SYK: variants seen among roughly 807,000 people sequenced by gnomAD.
SYK encodes the protein spleen associated tyrosine kinase, also known as tyrosine-protein kinase SYK.
In SYK, 16 loss-of-function variants were observed where a neutral mutation model predicts 77.8. That is an observed-to-expected ratio of 0.21 (90% CI 0.14 to 0.31). The LOEUF (loss-of-function observed/expected upper bound fraction) is 0.31. Among genes scored for constraint, SYK ranks in the 10% least tolerant of loss-of-function variants. SYK has a pLI of 1.00. For synonymous variants in SYK, 312 were observed against 308.7 expected (o/e 1.01, Z -0.11); for missense variants, 529 against 814.4 (o/e 0.65, Z 4.26).
At chr9:90,847,118 G>A (rs1826629236) in intron 3 of SYK, among the ~76,000 whole-genome samples, 1 of 152,160 alleles carries the variant, frequency 6.6e-6, no homozygotes, top group South Asian at 2.1e-4. Flanking sequence ...TTCCTTTCTG[G>A]GAGATGTATA....
intron 1 of SYK, among the ~76,000 whole-genome samples, chr9:90,840,198 G>A (rs987553438): frequency 2.6e-5 from 4 of 152,182 alleles, no homozygotes; most frequent in African/African-American, 9.7e-5. Context: ...GGGCAGGGAA[G>A]GCAGAGAAGA....
At chr9:90,845,951 A>C (rs1826576635) in intron 3 of SYK, among the ~76,000 whole-genome samples, 1 of 152,206 alleles carries the variant, frequency 6.6e-6, no homozygotes, top group African/African-American at 2.4e-5. Context: ...CAGTTTTTTT[A>C]CTCAAACTAC....
intron 11 of SYK, among the ~76,000 whole-genome samples, chr9:90,881,086 A>T (rs1828133448): frequency 6.6e-6 from 1 of 152,210 alleles, no homozygotes; most frequent in Admixed American, 6.5e-5. Flanking sequence ...TGGTCAGAGC[A>T]GCCAAGGCCA....
intron 11 of SYK, among the ~76,000 whole-genome samples, chr9:90,885,353 A>T (rs1828522924): frequency 1.3e-5 from 2 of 152,172 alleles, no homozygotes; most frequent in African/African-American, 4.8e-5. Flanking sequence ...CCAAACAGAA[A>T]TTCTGGAACT....
Position 90,808,390 on chromosome 9 carries a change from T to G in SYK, c.-42+6497T>G, listed in dbSNP as rs138527404. ...TCTCCCGGGGTATCAGTTCATCTGC[T>G]TGCATGCTTGGTGCCTCTCTCTCCT... is the stretch of plus-strand genomic sequence containing the variant. On this transcript the variant is annotated intron_variant, in intron 1 of 13. Transcript: ENST00000375754. Among the ~76,000 whole-genome samples the G allele has an allele frequency of 1.7e-3, 264 of 152,292 alleles. 1 individual carries two copies. Among genetic ancestry groups the G allele is most frequent in the African/African-American group, 6.0e-3 (249 of 41,550 alleles).
intron 3 of SYK, among the ~76,000 whole-genome samples, chr9:90,846,601 C>G (rs528180576): frequency 1.1e-4 from 17 of 151,164 alleles, no homozygotes; most frequent in African/African-American, 4.1e-4. Context: ...TATGATCTCA[C>G]TATCGTTTGA....
intron 9 of SYK, among the ~76,000 whole-genome samples, chr9:90,875,627 T>C (rs1341742160): frequency 6.6e-6 from 1 of 152,246 alleles, no homozygotes; most frequent in East Asian, 1.9e-4. Flanking sequence ...CATCTCATTT[T>C]TCTTACATGA....
At chr9:90,836,238 G>A (rs1826079723) in intron 1 of SYK, among the ~76,000 whole-genome samples, 1 of 148,670 alleles carries the variant, frequency 6.7e-6, no homozygotes, top group Non-Finnish European at 1.5e-5. Flanking sequence ...AGTGAGCCGA[G>A]ATTGTGCCAC....
Position 90,874,785 on chromosome 9 carries a change from G to A in SYK, c.1117G>A (p.Glu373Lys). 3 of 1,614,102 alleles carry A rather than the reference G, an allele frequency of 1.9e-6. No homozygotes were observed. Among genetic ancestry groups the A allele is most frequent in the Non-Finnish European group, 2.5e-6 (3 of 1,180,034 alleles). ...CCTGGACCGAAAGCTGCTGACGCTGGAAGACAAAGAACTGGGCTCTGGTAA... is the reference window on the plus strand; with the variant it reads ...CCTGGACCGAAAGCTGCTGACGCTGAAAGACAAAGAACTGGGCTCTGGTAA... ...VYLDRKLLTL[E>K]DKELGSGNFG... The change falls in exon 9 of 14, where the codon GAA (glutamate) becomes AAA (lysine). Residue 373 changes from glutamate (E) to lysine (K), a missense_variant. Coordinates refer to ENST00000375754, the MANE Select transcript of SYK (RefSeq NM_003177.7).
In SYK at chr9:90,877,626, C is replaced by G. The variant is rs1005774953; in HGVS notation, c.1237C>G (p.Leu413Val). ...ILKNEANDPA[L>V]KDELLAEANV... is the part of the protein sequence containing the mutation. ...GAAAAACGAGGCCAATGACCCCGCT[C>G]TTAAAGATGAGTTATTAGCAGAAGC... The change falls in exon 10 of 14, where the codon CTT becomes GTT. Residue 413 changes from leucine to valine, a missense_variant. Coordinates refer to ENST00000375754, the MANE Select transcript of SYK (RefSeq NM_003177.7). 1.9e-6 allele frequency: 3 copies of G among 1,614,118 alleles called. No individual in the cohort carries two copies. The highest frequency in any genetic ancestry group is 2.7e-5 in the African/African-American group (2 of 74,942).
chr9:90,862,138 C>A, intron 3 of SYK, 68 bp from the exon 4 acceptor site: 1 of 1,515,704 alleles, frequency 6.6e-7, no homozygotes, highest in Non-Finnish European at 8.9e-7. Flanking sequence ...GGCCAGGGTG[C>A]TTCCTCCCAG....
chr9:90,852,954 C>A (rs1826875574), intron 3 of SYK, among the ~76,000 whole-genome samples: 1 of 152,158 alleles, frequency 6.6e-6, no homozygotes, highest in African/African-American at 2.4e-5. Flanking sequence ...GGCAGTAGGT[C>A]CCCTCCACCA....
chr9:90,874,085 C>A, intron 7 of SYK, 119 bp from the exon 8 acceptor site: 1 of 827,880 alleles, frequency 1.2e-6, no homozygotes, highest in Admixed American at 2.5e-5. Context: ...GTAATTCTTT[C>A]CTTTGTCTTT....
At chr9:90,820,533 G>A (rs1298696842) in intron 1 of SYK, among the ~76,000 whole-genome samples, 1 of 152,214 alleles carries the variant, frequency 6.6e-6, no homozygotes, top group Non-Finnish European at 1.5e-5. Context: ...TGAAGCCACA[G>A]CCTGAGCTCT....
At position 90,844,770 on chromosome 9, in the gene SYK, A is replaced by G. The variant is rs556980967; in HGVS notation, c.417+455A>G. 3.9e-5 allele frequency among the ~76,000 whole-genome samples: 6 copies of G among 152,272 alleles called. No homozygotes were observed. In the East Asian group the frequency reaches 5.8e-4, roughly 15 times the overall value. The stretch of plus-strand genomic sequence containing the variant: ...CTGGTATCACCTGCTATGCACCACA[A>G]TTTATTTAACTAGTACCTATTGATG... On this transcript the variant is annotated intron_variant, in intron 2 of 13. Transcript: ENST00000375754.
chr9:90,854,495 C>G (rs1300289730), intron 3 of SYK, among the ~76,000 whole-genome samples: 1 of 152,136 alleles, frequency 6.6e-6, no homozygotes, highest in Non-Finnish European at 1.5e-5. Flanking sequence ...TCCCCTGCAG[C>G]TAAGTGGGCC....
At chr9:90,862,174 T>C in intron 3 of SYK, 32 bp from the exon 4 acceptor site, 1 of 1,569,644 alleles carries the variant, frequency 6.4e-7, no homozygotes. Context: ...CTGGCGGGCC[T>C]GGGGATGATG....
At chr9:90,871,455 T>C (rs971711152) in intron 7 of SYK, among the ~76,000 whole-genome samples, 1 of 152,244 alleles carries the variant, frequency 6.6e-6, no homozygotes, top group Non-Finnish European at 1.5e-5. Flanking sequence ...TTTTTAAGAA[T>C]AGTATTTTTA....
At chr9:90,880,559 A>G (rs542069068) in intron 11 of SYK, among the ~76,000 whole-genome samples, 3 of 152,348 alleles carry the variant, frequency 2.0e-5, no homozygotes, top group African/African-American at 7.2e-5. Context: ...GATGTACCTC[A>G]TCATGATCAT....
Sources: allele counts gnomAD v4.1 joint callset (sites outside exome capture counted in the v4.1 genomes callset), GRCh38; gene constraint gnomAD v4.1.1; transcripts MANE v1.5; gene names NCBI Gene and HGNC (gene_info 2026-07-23, HGNC 2026-07-21).